Variants in PLPPR1 observed in about 807,000 individuals in gnomAD.
The protein encoded by PLPPR1 is phospholipid phosphatase-related protein type 1.
Under a neutral mutation model 33.1 loss-of-function variants are expected in PLPPR1, and 10 were observed. That is an observed-to-expected ratio of 0.30 (90% confidence interval 0.19 to 0.51). The LOEUF (loss-of-function observed/expected upper bound fraction) is 0.51, where lower values mean the gene tolerates loss of function less well. Ranked by LOEUF, PLPPR1 falls within the 20% of genes least tolerant of loss-of-function variation. The pLI is 0.97. For synonymous variants in PLPPR1, 151 were observed against 151.0 expected, an observed-to-expected ratio of 1.00 and a Z score of 0.00; for missense variants, 304 against 408.1, an observed-to-expected ratio of 0.74 and a Z score of 2.20.
In PLPPR1 at chr9:101,324,080, G is replaced by A. The variant is rs1829206204; in HGVS notation, c.*23G>A. The A allele has an allele frequency of 6.2e-7, 1 of 1,601,928 alleles. No individual in the cohort carries two copies. Among genetic ancestry groups the A allele is most frequent in the Admixed American group, 1.7e-5 (1 of 59,802 alleles). Reference sequence around the variant, plus strand: ...TGAGACGACTGATGTGTCACAAGCTGTTTTTTAAAATCATCTTCCAATTCT... The same window carrying A: ...TGAGACGACTGATGTGTCACAAGCTATTTTTTAAAATCATCTTCCAATTCT... On this transcript the variant is annotated 3_prime_UTR_variant, in exon 8 of 8. Transcript: ENST00000374874.
At chr9:101,140,817 C>G (rs549194644) in intron 1 of PLPPR1, among the ~76,000 whole-genome samples, 2 of 152,230 alleles carry the variant, frequency 1.3e-5, no homozygotes, top group South Asian at 4.1e-4. Context: ...TGTATGTACT[C>G]TGTCTAGTCT....
At chr9:101,078,152 G>T (rs1297132030) in intron 1 of PLPPR1, among the ~76,000 whole-genome samples, 2 of 26,892 alleles carry the variant, frequency 7.4e-5, no homozygotes, top group African/African-American at 3.2e-4. Context: ...AGAAGAAGAA[G>T]AAGAAGAAGA....
chr9:101,092,507 G>T (rs774909245), intron 1 of PLPPR1, among the ~76,000 whole-genome samples: 5 of 152,052 alleles, frequency 3.3e-5, no homozygotes, highest in Non-Finnish European at 7.4e-5. Context: ...AATAAAATGG[G>T]TGCCCAGTCC....
intron 2 of PLPPR1, among the ~76,000 whole-genome samples, chr9:101,240,746 T>C (rs1827448159): frequency 6.6e-6 from 1 of 152,008 alleles, no homozygotes; most frequent in South Asian, 2.1e-4. Flanking sequence ...ATTACTGAAG[T>C]TGGATTAAGG....
chr9:101,123,683 T>C (rs533833114), intron 1 of PLPPR1, among the ~76,000 whole-genome samples: 15 of 152,324 alleles, frequency 9.8e-5, no homozygotes, highest in African/African-American at 3.4e-4. Flanking sequence ...TGGGATGGCT[T>C]AGCATTTGCT....
At chr9:101,148,473 G>C (rs1230762464) in intron 1 of PLPPR1, among the ~76,000 whole-genome samples, 1 of 152,088 alleles carries the variant, frequency 6.6e-6, no homozygotes, top group Non-Finnish European at 1.5e-5. Flanking sequence ...TGTTTCTTCA[G>C]CTCTCTTGTT....
chr9:101,162,584 GCTT>G (rs149887666), intron 1 of PLPPR1, among the ~76,000 whole-genome samples: 2,489 of 152,262 alleles, frequency 0.016, 69 homozygotes, highest in African/African-American at 0.057. Flanking sequence ...AGCCATTGAG[GCTT>G]CTTAGCTTGA....
At chr9:101,116,439 G>A (rs561522183) in intron 1 of PLPPR1, among the ~76,000 whole-genome samples, 1 of 152,280 alleles carries the variant, frequency 6.6e-6, no homozygotes, top group East Asian at 1.9e-4. Flanking sequence ...CCAGTTCATG[G>A]AAAGCCTTCT....
At chr9:101,173,542 C>T (rs987213331) in intron 1 of PLPPR1, among the ~76,000 whole-genome samples, 7 of 152,046 alleles carry the variant, frequency 4.6e-5, no homozygotes, top group African/African-American at 1.7e-4. Flanking sequence ...CCCTTTGTTT[C>T]CCCCAGTACA....
At chr9:101,078,885 G>T (rs1830582267) in intron 1 of PLPPR1, among the ~76,000 whole-genome samples, 1 of 152,064 alleles carries the variant, frequency 6.6e-6, no homozygotes, top group Admixed American at 6.5e-5. Context: ...CCTCAAGCTT[G>T]ATTCTGACCT....
intron 1 of PLPPR1, among the ~76,000 whole-genome samples, chr9:101,159,193 G>A (rs914152332): frequency 6.6e-6 from 1 of 152,052 alleles, no homozygotes; most frequent in South Asian, 2.1e-4. Context: ...ATTAAAGTGG[G>A]GAAACAAGCC....
At chr9:101,200,591 A>C (rs953089371) in intron 2 of PLPPR1, among the ~76,000 whole-genome samples, 12 of 152,230 alleles carry the variant, frequency 7.9e-5, no homozygotes, top group African/African-American at 2.9e-4. Context: ...CTTATTACCT[A>C]ATTAAAACTA....
At chr9:101,253,874 C>T (rs960169802) in intron 2 of PLPPR1, among the ~76,000 whole-genome samples, 8 of 151,874 alleles carry the variant, frequency 5.3e-5, no homozygotes, top group South Asian at 2.1e-4. Context: ...ATGTATATAC[C>T]CTGAAAAGTA....
chr9:101,187,798 A>G (rs1246059056), intron 2 of PLPPR1: 6 of 151,992 alleles, frequency 3.9e-5, no homozygotes, highest in Non-Finnish European at 8.8e-5. Context: ...TACCATCAAG[A>G]CAAAATCTTA....
At chr9:101,303,686 C>T (rs1278671539) in intron 4 of PLPPR1, among the ~76,000 whole-genome samples, 20 of 152,166 alleles carry the variant, frequency 1.3e-4, no homozygotes, top group Non-Finnish European at 2.9e-5. Flanking sequence ...AGCAACTGCC[C>T]ACAGAGTAGC....
chr9:101,217,029 T>C (rs1164732451), intron 2 of PLPPR1, among the ~76,000 whole-genome samples: 1 of 152,176 alleles, frequency 6.6e-6, no homozygotes, highest in Non-Finnish European at 1.5e-5. Context: ...ATATTTACAA[T>C]TGGAGTTGTG....
chr9:101,133,823 G>A (rs372454172), intron 1 of PLPPR1, among the ~76,000 whole-genome samples: 1 of 152,134 alleles, frequency 6.6e-6, no homozygotes. Context: ...AGAATAGTAT[G>A]GTGGTTATAA....
At chr9:101,308,693 T>A (rs1355983466) in intron 4 of PLPPR1, among the ~76,000 whole-genome samples, 2 of 151,072 alleles carry the variant, frequency 1.3e-5, no homozygotes, top group African/African-American at 5.0e-5. Flanking sequence ...TACTCTCACC[T>A]GCCATGTTGT....
chr9:101,166,323 T>C (rs1825857583), intron 1 of PLPPR1, among the ~76,000 whole-genome samples: 1 of 152,214 alleles, frequency 6.6e-6, no homozygotes, highest in African/African-American at 2.4e-5. Flanking sequence ...CCCCCTAGCC[T>C]ATGTTAAATA....
Sources: gnomAD v4.1 joint callset for allele counts (sites outside exome capture counted in the v4.1 genomes callset) on GRCh38, gnomAD v4.1.1 for gene constraint, MANE v1.5 for transcripts, NCBI Gene and HGNC (gene_info 2026-07-23, HGNC 2026-07-21) for gene names.